HERC2: variants seen among roughly 807,000 people sequenced by gnomAD.
HERC2 encodes the protein HECT and RLD domain containing E3 ubiquitin protein ligase 2, also known as E3 ubiquitin-protein ligase HERC2.
In HERC2, 102 loss-of-function variants were observed where a neutral mutation model predicts 537.7. That is an observed-to-expected ratio of 0.19 (90% CI 0.16 to 0.22). The LOEUF is 0.22. Ranked by LOEUF, HERC2 falls within the 10% of genes least tolerant of loss-of-function variation. The pLI is 1.00. For missense variants in HERC2, 4,236 were observed against 6,198.2 expected (o/e 0.68, Z 10.63); for synonymous variants, 2,224 against 2,466.2 (o/e 0.90, Z 2.91).
In HERC2 at chr15:28,274,993, C is replaced by A; in HGVS notation, c.555G>T (p.Ala185=). The stretch of plus-strand genomic sequence containing the variant: ...TGGCGAGCCCCTCCACACCTTTGCC[C>A]GCAGGCCGGGAACTGCAGACGACAC... ...PPVDKKSSRP[A]GKGVEGLARV... Residue 185 remains alanine (A), a synonymous_variant, in exon 6 of 93, where the codon GCG becomes GCT. Transcript: ENST00000261609. The A allele has an allele frequency of 6.2e-7, 1 of 1,606,510 alleles. No homozygotes were observed. Among genetic ancestry groups the A allele is most frequent in the Non-Finnish European group, 8.5e-7 (1 of 1,179,574 alleles).
chr15:28,169,720 C>G, intron 65 of HERC2, 65 bp from the exon 66 acceptor site: 2 of 1,512,298 alleles, frequency 1.3e-6, no homozygotes. Context: ...TCTATAAAAT[C>G]TGACCTTACA....
chr15:28,169,531 C>G lies in HERC2; in HGVS notation c.10182G>C (p.Gln3394His). ...CTGTAAGAATATGTGATAAGGCCTGCTGTTTGGCCAGATTTCCATCCAATG... is the reference window on the plus strand; with the variant it reads ...CTGTAAGAATATGTGATAAGGCCTGGTGTTTGGCCAGATTTCCATCCAATG... Reference protein sequence around the residue: ...LLSLDGNLAKQQALSHILTAL... With the variant: ...LLSLDGNLAKHQALSHILTAL... The change falls in exon 66 of 93, where the codon CAG (glutamine) becomes CAC (histidine). Residue 3394 changes from glutamine to histidine, a missense_variant. Physicochemically the swap from Gln to His is conservative, Grantham distance 24. Transcript: ENST00000261609. 6.2e-7 allele frequency: 1 copy of G among 1,611,900 alleles called. No individual in the cohort carries two copies. Among genetic ancestry groups the G allele is most frequent in the Non-Finnish European group, 8.5e-7 (1 of 1,178,238 alleles).
Position 28,134,471 on chromosome 15 carries a change from C to T in HERC2, c.12230+1007G>A, listed in dbSNP as rs534589936. Among the ~76,000 whole-genome samples, 15 of 152,192 alleles carry T rather than the reference C, an allele frequency of 9.9e-5. 1 individual carries two copies. The South Asian group carries it at 1.5e-3, about 15-fold the overall frequency. On this transcript the variant is annotated intron_variant, in intron 79 of 92. Coordinates refer to ENST00000261609, the MANE Select transcript of HERC2 (RefSeq NM_004667.6). The stretch of plus-strand genomic sequence containing the variant: ...CTTTTATTTCTTTGCACTGCTGTAC[C>T]GCACTTACTAAACCTGTTGCACAAT...
At chr15:28,114,528 C>G (rs1009157379) in intron 90 of HERC2, 84 bp downstream of exon 90, 104 of 1,237,902 alleles carry the variant, frequency 8.4e-5, no homozygotes, top group Non-Finnish European at 1.1e-4. Context: ...GTATGACACT[C>G]CTGAAAAACA....
chr15:28,226,935 A>G (rs183691260), intron 35 of HERC2, among the ~76,000 whole-genome samples: 9 of 152,330 alleles, frequency 5.9e-5, no homozygotes, highest in African/African-American at 2.2e-4. Flanking sequence ...ACACTTATAT[A>G]GTGCATTTAT....
intron 50 of HERC2, 78 bp from the exon 51 acceptor site, chr15:28,196,647 T>C (rs1897368208): frequency 2.6e-6 from 2 of 755,144 alleles, no homozygotes; most frequent in Non-Finnish European, 4.7e-6. Flanking sequence ...CACCTAGCCA[T>C]GTCATACTAC....
At chr15:28,150,465 G>C (rs1408388371) in intron 70 of HERC2, among the ~76,000 whole-genome samples, 1 of 149,998 alleles carries the variant, frequency 6.7e-6, no homozygotes, top group Non-Finnish European at 1.5e-5. Context: ...GTACATTCTA[G>C]TGAAATTACC....
At position 28,115,487 on chromosome 15, in the gene HERC2, G is replaced by A. The variant is rs945876789; in HGVS notation, c.13664C>T (p.Ala4555Val). The A allele has an allele frequency of 5.6e-6, 9 of 1,613,820 alleles. No homozygotes were observed. Among genetic ancestry groups the A allele is most frequent in the African/African-American group, 5.3e-5 (4 of 74,868 alleles). Reference protein sequence around the residue: ...RTGSPLSLNLAEPVWKQLAGM... With the variant: ...RTGSPLSLNLVEPVWKQLAGM... Reference sequence around the variant, plus strand: ...AGCCAGCTGCTTCCAGACAGGCTCGGCAAGGTTGAGGCTCAGGGGACTCCC... The same window carrying A: ...AGCCAGCTGCTTCCAGACAGGCTCGACAAGGTTGAGGCTCAGGGGACTCCC... The change falls in exon 89 of 93, where the codon GCC (alanine) becomes GTC (valine). Residue 4555 changes from alanine (A) to valine (V), a missense_variant. By Grantham distance (64) the Ala-to-Val change is moderately conservative. This residue lies in a region of HERC2 where 313 missense variants were observed against 462.6 expected (regional missense o/e 0.68). Coordinates refer to ENST00000261609, the MANE Select transcript of HERC2 (RefSeq NM_004667.6).
At chr15:28,273,789 C>T (rs1305510088) in intron 7 of HERC2, among the ~76,000 whole-genome samples, 1 of 152,160 alleles carries the variant, frequency 6.6e-6, no homozygotes, top group African/African-American at 2.4e-5. Flanking sequence ...ATTTAAAAAC[C>T]TTAACAAAAA....
rs1340455455 is a variant in HERC2 at position 28,228,283 on chromosome 15, T to C, written c.5399A>G (p.Asn1800Ser). 6.2e-7 allele frequency: 1 copy of C among 1,613,230 alleles called. No individual in the cohort carries two copies. Among genetic ancestry groups the C allele is most frequent in the Non-Finnish European group, 8.5e-7 (1 of 1,179,870 alleles). ...LSMLTLQHGA[N>S]NLDLLLNSGM... Reference sequence around the variant, plus strand: ...GGAATTGAGCAGAAGGTCGAGGTTGTTTGCGCCGTGCTGCAGGGTGAGCAT... The same window carrying C: ...GGAATTGAGCAGAAGGTCGAGGTTGCTTGCGCCGTGCTGCAGGGTGAGCAT... The change falls in exon 35 of 93, where the codon AAC (asparagine) becomes AGC (serine). Residue 1800 changes from asparagine to serine, a missense_variant. By Grantham distance (46) the Asn-to-Ser change is conservative (BLOSUM62 1). Around this residue, in one of 27 missense-constraint regions of HERC2, gnomAD observed 343 missense variants for 417.2 expected, o/e 0.82. Coordinates refer to ENST00000261609, the MANE Select transcript of HERC2 (RefSeq NM_004667.6).
chr15:28,142,363 G>C lies in HERC2; in HGVS notation c.11575C>G (p.Leu3859Val). The change falls in exon 76 of 93, where the codon CTG becomes GTG. Residue 3859 changes from leucine (L) to valine (V), a missense_variant. By Grantham distance (32) the Leu-to-Val change is conservative. Transcript: ENST00000261609. ...TCGGCACAGCAAGGCAGAGTGTCCAGCTCCAGGTCACAAGCAAGAGCTACC... is the reference window on the plus strand; with the variant it reads ...TCGGCACAGCAAGGCAGAGTGTCCACCTCCAGGTCACAAGCAAGAGCTACC... The part of the protein sequence containing the change: ...VLVALACDLE[L>V]DTLPCCAETH... 6.2e-7 allele frequency: 1 copy of C among 1,613,906 alleles called. No individual in the cohort carries two copies. Among genetic ancestry groups the C allele is most frequent in the Non-Finnish European group, 8.5e-7 (1 of 1,179,902 alleles).
Position 28,209,909 on chromosome 15 carries a change from G to A in HERC2, c.7069+1093C>T, listed in dbSNP as rs564726077. On this transcript the variant is annotated intron_variant, in intron 44 of 92. Coordinates refer to ENST00000261609, the MANE Select transcript of HERC2 (RefSeq NM_004667.6). ...TCAACACAAAAACAATACCAAAAAG[G>A]AGGCCATAACGACACTGTTGAATAC... 1.1e-4 allele frequency among the ~76,000 whole-genome samples: 16 copies of A among 150,020 alleles called. No homozygotes were observed. In the South Asian group the frequency reaches 3.4e-3, roughly 32 times the overall value.
intron 48 of HERC2, among the ~76,000 whole-genome samples, chr15:28,199,228 A>G (rs898927192): frequency 7.2e-5 from 11 of 152,342 alleles, no homozygotes; most frequent in African/African-American, 2.4e-4. Context: ...AACTCTTTAG[A>G]ACACTGTCTG....
rs770748385 is a variant in HERC2, at chr15:28,191,953, G to T, written c.8451+8C>A. 1.2e-5 allele frequency: 20 copies of T among 1,611,584 alleles called. No homozygotes were observed. In the Admixed American group the frequency reaches 3.0e-4, roughly 24 times the overall value. On this transcript the variant is annotated splice_region_variant and intron_variant, in intron 53 of 92. Coordinates refer to ENST00000261609, the MANE Select transcript of HERC2 (RefSeq NM_004667.6). ...AAGTGCCCGCTGCTGTGCCCTATTAGATGCTACCTTTCCTTGCGACCCCGA... is the reference window on the plus strand; with the variant it reads ...AAGTGCCCGCTGCTGTGCCCTATTATATGCTACCTTTCCTTGCGACCCCGA...
rs923830059 is a variant in HERC2 at position 28,176,039 on chromosome 15, C to T, written c.9687-383G>A. Reference sequence around the variant, plus strand: ...ACACACCATCCACAGCCAGTCCAGGCACCTGCTCTTTTGCATATTAATAAA... The same window carrying T: ...ACACACCATCCACAGCCAGTCCAGGTACCTGCTCTTTTGCATATTAATAAA... On this transcript the variant is annotated intron_variant, in intron 63 of 92. Transcript: ENST00000261609. This position sits in a 1 kb window ranked among gnomAD's most constrained non-coding sequence, Gnocchi z 5.0. Among the ~76,000 whole-genome samples the T allele has an allele frequency of 2.0e-5, 3 of 152,186 alleles. No individual in the cohort carries two copies. The highest frequency in any genetic ancestry group is 4.4e-5 in the Non-Finnish European group (3 of 68,046).
In HERC2 at chr15:28,146,090, T is replaced by C. The variant is rs1012249071; in HGVS notation, c.11008+147A>G. The C allele has an allele frequency of 4.8e-6, 3 of 623,926 alleles. No homozygotes were observed. In the African/African-American group the frequency reaches 5.5e-5, roughly 11 times the overall value. The allele number at this position is 623,926 out of a possible 1,614,324, so 38.6% of individuals were successfully genotyped here. On this transcript the variant is annotated intron_variant, in intron 71 of 92. Coordinates refer to ENST00000261609, the MANE Select transcript of HERC2 (RefSeq NM_004667.6). The stretch of plus-strand genomic sequence containing the variant: ...ATGGGAAAGAGGCAAGCAAACCCAC[T>C]GTGTTTCACAGCTGAATAGCATATT...
At chr15:28,313,271 G>A (rs1402803925) in intron 2 of HERC2, among the ~76,000 whole-genome samples, 12 of 149,110 alleles carry the variant, frequency 8.0e-5, no homozygotes, top group African/African-American at 1.7e-4. Flanking sequence ...TTGGCTCCCC[G>A]GGTTCATGCC....
intron 70 of HERC2, among the ~76,000 whole-genome samples, chr15:28,148,218 C>T (rs951600661): frequency 6.6e-6 from 1 of 151,812 alleles, no homozygotes; most frequent in Non-Finnish European, 1.5e-5. Context: ...CTTACAAAAA[C>T]CAAAACATTT....
At chr15:28,168,982 T>C (rs1029294090) in intron 66 of HERC2, among the ~76,000 whole-genome samples, 2 of 152,232 alleles carry the variant, frequency 1.3e-5, no homozygotes, top group African/African-American at 2.4e-5. Flanking sequence ...CTCAATGGCC[T>C]CTACTGAATG....
Sources: allele counts gnomAD v4.1 joint callset (sites outside exome capture counted in the v4.1 genomes callset), GRCh38; gene constraint gnomAD v4.1.1; regional missense constraint gnomAD v4.1.1; non-coding constraint Gnocchi (gnomAD v3.1); transcripts MANE v1.5; gene names NCBI Gene and HGNC (gene_info 2026-07-23, HGNC 2026-07-21).